CLSPN: variants seen among roughly 807,000 people sequenced by gnomAD.
CLSPN encodes the protein claspin homolog.
Under a neutral mutation model 156.3 loss-of-function variants are expected in CLSPN, and 85 were observed. The observed-to-expected ratio is 0.54, with a 90% CI of 0.46 to 0.65. The LOEUF (loss-of-function observed/expected upper bound fraction) is 0.65. CLSPN is among the 30% of genes least tolerant of loss of function. The pLI is 0.00. For missense variants in CLSPN, 1,407 were observed against 1,554.9 expected (o/e 0.90, Z 1.60); for synonymous variants, 534 against 542.4 (o/e 0.98, Z 0.22).
chr1:35,723,862 A>G (rs1226126264), intron 24 of CLSPN, among the ~76,000 whole-genome samples: 1 of 152,182 alleles, frequency 6.6e-6, no homozygotes, highest in East Asian at 1.9e-4. Flanking sequence ...ATGGTGGCAC[A>G]CGCCTGTAAT....
chr1:35,764,674 GT>G lies in CLSPN; in HGVS notation c.173del (p.Asn58ThrfsTer71). 1 of 1,584,022 alleles carries G rather than the reference GT, an allele frequency of 6.3e-7. No homozygotes were observed. Among genetic ancestry groups the G allele is most frequent in the East Asian group, 2.3e-5 (1 of 44,428 alleles). ...AATCACTGTCTTGTAGAACCTTCCT[GT>G]TTTTCAACTTCTTACTTACAAATAT... ...EEIFVSKKLK[N>X]RKVLQDSDSE... On this transcript the variant is annotated frameshift_variant, in exon 3 of 25. Transcript: ENST00000318121. LOFTEE classifies it high-confidence loss of function.
In CLSPN at chr1:35,762,308, A is replaced by G. The variant is rs75242298; in HGVS notation, c.822+96T>C. 4,157 of 1,167,878 alleles carry G rather than the reference A, an allele frequency of 3.6e-3. 93 individuals carry two copies. The African/African-American group carries it at 0.057, about 16-fold the overall frequency. The allele number at this position is 1,167,878 out of a possible 1,614,324, so 72.3% of individuals were successfully genotyped here. On this transcript the variant is annotated intron_variant, in intron 5 of 24. Coordinates refer to ENST00000318121, the MANE Select transcript of CLSPN (RefSeq NM_022111.4). ...CAAAGCAATATGATGGGTAACAGAA[A>G]AATATGATAGACAAAATAAAATATT...
intron 8 of CLSPN, among the ~76,000 whole-genome samples, chr1:35,757,648 T>C (rs191666914): frequency 5.9e-5 from 9 of 152,314 alleles, no homozygotes; most frequent in South Asian, 4.1e-4. Context: ...CAAAAAATGT[T>C]TCTCCCTTTC....
At chr1:35,767,775 A>G (rs1358542384) in intron 1 of CLSPN, among the ~76,000 whole-genome samples, 5 of 152,258 alleles carry the variant, frequency 3.3e-5, no homozygotes, top group Non-Finnish European at 7.3e-5. Flanking sequence ...CAAGCATTTC[A>G]GACGAGAGAT....
chr1:35,736,531 A>G lies in CLSPN; in HGVS notation c.3985T>C (p.Leu1329=), dbSNP rs1407937888. ...AAATATTTGAAGATGCTTCGCGTCAATCCTGAAGTGCTATCATCTGTTTTG... is the reference window on the plus strand; with the variant it reads ...AAATATTTGAAGATGCTTCGCGTCAGTCCTGAAGTGCTATCATCTGTTTTG... ...HLKTDDSTSG[L]TRSIFKYLES Residue 1329 remains leucine, a synonymous_variant, in exon 25 of 25, where the codon TTG becomes CTG. Transcript: ENST00000318121. 2 of 1,610,724 alleles carry G rather than the reference A, an allele frequency of 1.2e-6. No individual in the cohort carries two copies. Among genetic ancestry groups the G allele is most frequent in the Admixed American group, 3.4e-5 (2 of 59,346 alleles).
intron 10 of CLSPN, among the ~76,000 whole-genome samples, chr1:35,750,787 C>T (rs927431966): frequency 6.6e-6 from 1 of 151,984 alleles, no homozygotes. Flanking sequence ...AGAGGCCCTT[C>T]TACAAATGCC....
In CLSPN at chr1:35,737,326, G is replaced by C. The variant is rs915738741; in HGVS notation, c.3747+13C>G. ...TAGACTATGATGTCAGATTAACAAG[G>C]TTCCCAACCAACCTGTTGAGCACTT... On this transcript the variant is annotated intron_variant, in intron 23 of 24. Coordinates refer to ENST00000318121, the MANE Select transcript of CLSPN (RefSeq NM_022111.4). The C allele has an allele frequency of 6.2e-7, 1 of 1,609,610 alleles. No homozygotes were observed. Among genetic ancestry groups the C allele is most frequent in the Non-Finnish European group, 8.5e-7 (1 of 1,175,964 alleles).
Position 35,748,396 on chromosome 1 carries a change from C to T in CLSPN, c.2472+9G>A, listed in dbSNP as rs1641963918. Reference sequence around the variant, plus strand: ...GAGGAGGAGATTAGAAAAACCATTACCATCTTACCTTAGAAGCTGAGCTGA... The same window carrying T: ...GAGGAGGAGATTAGAAAAACCATTATCATCTTACCTTAGAAGCTGAGCTGA... On this transcript the variant is annotated intron_variant, in intron 13 of 24. Coordinates refer to ENST00000318121, the MANE Select transcript of CLSPN (RefSeq NM_022111.4). 5.0e-6 allele frequency: 8 copies of T among 1,612,206 alleles called. No homozygotes were observed. Among genetic ancestry groups the T allele is most frequent in the Non-Finnish European group, 5.9e-6 (7 of 1,178,342 alleles).
chr1:35,749,102 G>C (rs1641996442), intron 12 of CLSPN, among the ~76,000 whole-genome samples: 1 of 152,122 alleles, frequency 6.6e-6, no homozygotes, highest in South Asian at 2.1e-4. Flanking sequence ...TGGGATTACA[G>C]GCGTGAGTCA....
rs1195058286 is a variant in CLSPN at position 35,748,127 on chromosome 1, C to T, written c.2473-66G>A. ...CAAATGTCAGTCATTGTCATGACAACCACAAAAGTTGCTATTTGCAATATT... is the reference window on the plus strand; with the variant it reads ...CAAATGTCAGTCATTGTCATGACAATCACAAAAGTTGCTATTTGCAATATT... On this transcript the variant is annotated intron_variant, in intron 13 of 24. Coordinates refer to ENST00000318121, the MANE Select transcript of CLSPN (RefSeq NM_022111.4). 16 of 1,537,170 alleles carry T rather than the reference C, an allele frequency of 1.0e-5. No homozygotes were observed. The Admixed American group carries it at 1.8e-4, about 17-fold the overall frequency.
chr1:35,727,551 C>T (rs934903129), downstream of CLSPN, among the ~76,000 whole-genome samples: 3 of 152,164 alleles, frequency 2.0e-5, no homozygotes, highest in Non-Finnish European at 4.4e-5. Context: ...AAAGGAACAG[C>T]AGGTTTAGAT....
At chr1:35,729,080 T>C (rs1201392118), downstream of CLSPN, among the ~76,000 whole-genome samples, 3 of 152,150 alleles carry the variant, frequency 2.0e-5, no homozygotes, top group Non-Finnish European at 2.9e-5. Flanking sequence ...ACCTGTCTTT[T>C]TGATAAATAA....
exon 25 of CLSPN, chr1:35,720,793 G>A (rs1641056681): frequency 1.3e-6 from 1 of 789,866 alleles, no homozygotes. Context: ...CTAGGGTTAT[G>A]CAGTTCTGCC....
Position 35,749,768 on chromosome 1 carries a change from T to C in CLSPN, c.2072A>G (p.Asp691Gly). 1 of 1,614,084 alleles carries C rather than the reference T, an allele frequency of 6.2e-7. No individual in the cohort carries two copies. The highest frequency in any genetic ancestry group is 8.5e-7 in the Non-Finnish European group (1 of 1,179,964). Reference protein sequence around the residue: ...LLSSEEIETKDEKEMDKENND... With the variant: ...LLSSEEIETKGEKEMDKENND... ...ATTTTCTTTATCCATTTCTTTTTCA[T>C]CTTTTGTTTCTATTTCTTCACTACT... Residue 691 changes from aspartate (D) to glycine (G), a missense_variant, in exon 11 of 25, where the codon GAT (aspartate) becomes GGT (glycine). By Grantham distance (94) the Asp-to-Gly change is moderately conservative. Around this residue, in one of 3 missense-constraint regions of CLSPN, gnomAD observed 1,096 missense variants for 1,193.0 expected, o/e 0.92. Transcript: ENST00000318121.
At chr1:35,741,159 AG>A (rs1571197222) in intron 18 of CLSPN, among the ~76,000 whole-genome samples, 1 of 152,214 alleles carries the variant, frequency 6.6e-6, no homozygotes, top group East Asian at 1.9e-4. Context: ...TATGCTAAGT[AG>A]AAAAAAAAAG....
intron 24 of CLSPN, among the ~76,000 whole-genome samples, chr1:35,724,693 G>A (rs953010091): frequency 6.6e-6 from 1 of 152,138 alleles, no homozygotes. Flanking sequence ...CAATAACATA[G>A]TGGTGAACAT....
Position 35,760,641 on chromosome 1 carries a change from A to G in CLSPN, c.1280T>C (p.Val427Ala). The G allele has an allele frequency of 6.2e-7, 1 of 1,614,152 alleles. No individual in the cohort carries two copies. The highest frequency in any genetic ancestry group is 8.5e-7 in the Non-Finnish European group (1 of 1,180,020). Residue 427 changes from valine to alanine, a missense_variant, in exon 8 of 25, where the codon GTG becomes GCG. Physicochemically the swap from Val to Ala is moderately conservative, Grantham distance 64 (BLOSUM62 0). Coordinates refer to ENST00000318121, the MANE Select transcript of CLSPN (RefSeq NM_022111.4). ...DIRPSPGDSS[V>A]LQQESNFLGN... ...GAGGAAGTTGGATTCCTGTTGCAAC[A>G]CTGAGCTGTCCCCAGGTGAAGGTCT...
intron 9 of CLSPN, 32 bp from the exon 10 acceptor site, chr1:35,751,538 AT>A (rs766543125): frequency 1.6e-5 from 26 of 1,584,826 alleles, no homozygotes; most frequent in Non-Finnish European, 2.1e-5. Flanking sequence ...TGCTTTAGAC[AT>A]AATACAATAA....
At chr1:35,722,919 C>T (rs1313605351) in intron 24 of CLSPN, among the ~76,000 whole-genome samples, 1 of 152,206 alleles carries the variant, frequency 6.6e-6, no homozygotes, top group Admixed American at 6.5e-5. Context: ...GCGTGAACCA[C>T]CACACCCAGC....
Sources: allele counts gnomAD v4.1 joint callset (sites outside exome capture counted in the v4.1 genomes callset), GRCh38; gene constraint gnomAD v4.1.1; regional missense constraint gnomAD v4.1.1; transcripts MANE v1.5; gene names NCBI Gene and HGNC (gene_info 2026-07-23, HGNC 2026-07-21).